The following CDK19 variants were observed in gnomAD, a reference collection of about 807,000 sequenced individuals.
CDK19 encodes cyclin-dependent kinase 19.
A neutral mutation model predicts 68.3 loss-of-function variants in CDK19; 20 were observed. The ratio of observed to expected loss-of-function variants is 0.29; its 90% confidence interval spans 0.21 to 0.43. The LOEUF is 0.43. CDK19 is among the 20% of genes least tolerant of loss of function. The pLI, the probability that CDK19 is intolerant of heterozygous loss-of-function variation, is 1.00. For synonymous variants in CDK19, 221 were observed against 222.8 expected, an observed-to-expected ratio of 0.99 and a Z score of 0.07; for missense variants, 339 against 623.5, an observed-to-expected ratio of 0.54 and a Z score of 4.86.
chr6:110,626,718 G>A, intron 8 of CDK19, 58 bp downstream of exon 8: 1 of 1,041,214 alleles, frequency 9.6e-7, no homozygotes, highest in Non-Finnish European at 1.4e-6. Context: ...AAATTACCCA[G>A]TCTAAGGTAT....
intron 1 of CDK19, among the ~76,000 whole-genome samples, chr6:110,782,267 G>A (rs1780876351): frequency 6.6e-6 from 1 of 152,190 alleles, no homozygotes. Context: ...CTCAAATGAT[G>A]TCACAGTTTG....
chr6:110,629,429 C>T (rs2114687381), intron 6 of CDK19, among the ~76,000 whole-genome samples: 1 of 152,268 alleles, frequency 6.6e-6, no homozygotes, highest in South Asian at 2.1e-4. Flanking sequence ...CAAACCTCCA[C>T]TGATATCAAA....
At chr6:110,718,094 C>A (rs1413044949) in intron 2 of CDK19, among the ~76,000 whole-genome samples, 1 of 152,132 alleles carries the variant, frequency 6.6e-6, no homozygotes, top group East Asian at 1.9e-4. Flanking sequence ...CACCAGACAC[C>A]CAATCTGCCG....
intron 2 of CDK19, among the ~76,000 whole-genome samples, chr6:110,742,846 C>A (rs545652236): frequency 1.1e-4 from 16 of 152,240 alleles, no homozygotes; most frequent in Non-Finnish European, 2.4e-4. Flanking sequence ...GGGACATAGA[C>A]CCTCATCAGT....
rs533053302 is a variant in CDK19 at position 110,716,144 on chromosome 6, T to G, written c.204+29982A>C. On this transcript the variant is annotated intron_variant, in intron 2 of 12. Coordinates refer to ENST00000368911, the MANE Select transcript of CDK19 (RefSeq NM_015076.5). ...TAAAATAAGATAATTAATTTAAAGA[T>G]ATAACATATTTCTTTAATTCCATAT... Among the ~76,000 whole-genome samples the G allele has an allele frequency of 4.4e-4, 67 of 152,288 alleles. No individual in the cohort carries two copies. The Middle Eastern group carries it at 0.014, about 31-fold the overall frequency.
Position 110,703,493 on chromosome 6 carries a change from GGC to G in CDK19, c.205-32954_205-32953del, listed in dbSNP as rs542992114. Among the ~76,000 whole-genome samples, 173 of 152,114 alleles carry G rather than the reference GGC, an allele frequency of 1.1e-3. 1 individual carries two copies. Among genetic ancestry groups the G allele is most frequent in the African/African-American group, 4.0e-3 (167 of 41,500 alleles). On this transcript the variant is annotated intron_variant, in intron 2 of 12. Coordinates refer to ENST00000368911, the MANE Select transcript of CDK19 (RefSeq NM_015076.5). Reference sequence around the variant, plus strand: ...AATACATAATTTCTGAAAATTCAGAGGCAAAACTCTAAAAGGACAGCTATACA... The same window carrying G: ...AATACATAATTTCTGAAAATTCAGAGAAAACTCTAAAAGGACAGCTATACA...
At chr6:110,776,258 G>A (rs1028945032) in intron 1 of CDK19, among the ~76,000 whole-genome samples, 5 of 151,902 alleles carry the variant, frequency 3.3e-5, no homozygotes, top group Non-Finnish European at 7.4e-5. Flanking sequence ...GCAAAAACCC[G>A]CCTCTACTAA....
chr6:110,713,431 C>CAAA (rs34863234), intron 2 of CDK19, among the ~76,000 whole-genome samples: 2 of 47,860 alleles, frequency 4.2e-5, no homozygotes, highest in Non-Finnish European at 8.2e-5. Flanking sequence ...GACTCTGTCT[C>CAAA]AAAAAAAAAA....
intron 1 of CDK19, among the ~76,000 whole-genome samples, chr6:110,758,827 C>A (rs1395465176): frequency 6.6e-6 from 1 of 152,094 alleles, no homozygotes; most frequent in Non-Finnish European, 1.5e-5. Flanking sequence ...TTAAATCCCA[C>A]CCTGTCAGAT....
chr6:110,663,622 C>A (rs1305306921), intron 4 of CDK19, among the ~76,000 whole-genome samples: 1 of 152,190 alleles, frequency 6.6e-6, no homozygotes, highest in Non-Finnish European at 1.5e-5. Flanking sequence ...GCCTTGACCT[C>A]CTGGGCTAAA....
At chr6:110,780,637 G>A (rs1171564199) in intron 1 of CDK19, among the ~76,000 whole-genome samples, 1 of 151,998 alleles carries the variant, frequency 6.6e-6, no homozygotes, top group Admixed American at 6.6e-5. Context: ...AGGCAATGGA[G>A]AACATTTTAT....
intron 2 of CDK19, among the ~76,000 whole-genome samples, chr6:110,711,186 G>T (rs997128446): frequency 6.6e-6 from 1 of 152,178 alleles, no homozygotes; most frequent in Non-Finnish European, 1.5e-5. Context: ...GGAATATATT[G>T]TGATATAAAA....
At chr6:110,790,960 A>C (rs1047705942) in intron 1 of CDK19, among the ~76,000 whole-genome samples, 4 of 152,146 alleles carry the variant, frequency 2.6e-5, no homozygotes, top group African/African-American at 7.2e-5. Flanking sequence ...TCACGAGGTC[A>C]GGAGTTCAAG....
chr6:110,717,765 G>A (rs897992106), intron 2 of CDK19, among the ~76,000 whole-genome samples: 3 of 152,080 alleles, frequency 2.0e-5, no homozygotes, highest in Admixed American at 6.6e-5. Context: ...GCAAGGGCAC[G>A]ATCTTGGCTC....
At chr6:110,771,077 A>G (rs1257744708) in intron 1 of CDK19, among the ~76,000 whole-genome samples, 1 of 152,086 alleles carries the variant, frequency 6.6e-6, no homozygotes, top group Non-Finnish European at 1.5e-5. Flanking sequence ...TTCCAGGTGC[A>G]TGGTGCAAGC....
At chr6:110,811,889 T>C (rs1042706794) in intron 1 of CDK19, among the ~76,000 whole-genome samples, 6 of 151,650 alleles carry the variant, frequency 4.0e-5, no homozygotes, top group African/African-American at 1.5e-4. Flanking sequence ...GGATTTTTTT[T>C]TTTTTTTAAA....
intron 2 of CDK19, among the ~76,000 whole-genome samples, chr6:110,723,141 AAACAAAAAAC>A (rs1298781454): frequency 2.7e-4 from 27 of 100,290 alleles, no homozygotes; most frequent in Non-Finnish European, 4.3e-4. Context: ...TTGTCAAAAA[AAACAAAAAAC>A]AAAAAAAAAA....
chr6:110,736,171 G>C (rs1229160286), intron 2 of CDK19, among the ~76,000 whole-genome samples: 2 of 152,078 alleles, frequency 1.3e-5, no homozygotes, highest in African/African-American at 4.8e-5. Flanking sequence ...GAGAAACCCT[G>C]TCTCTACTAA....
At chr6:110,614,712 G>T in intron 12 of CDK19, 46 bp from the exon 13 acceptor site, 1 of 1,595,346 alleles carries the variant, frequency 6.3e-7, no homozygotes, top group African/African-American at 1.3e-5. Flanking sequence ...GGAGGAAGAG[G>T]ATGACTCAAG....
Sources: gnomAD v4.1 joint callset for allele counts (sites outside exome capture counted in the v4.1 genomes callset) on GRCh38, gnomAD v4.1.1 for gene constraint, MANE v1.5 for transcripts, NCBI Gene and HGNC (gene_info 2026-07-23, HGNC 2026-07-21) for gene names.